The following WWOX variants were observed in gnomAD, a reference collection of about 807,000 sequenced individuals.
WWOX encodes the protein WW domain containing oxidoreductase.
Under a neutral mutation model 46.2 loss-of-function variants are expected in WWOX, and 69 were observed. The ratio of observed to expected loss-of-function variants is 1.49; its 90% confidence interval spans 1.23 to 1.82. WWOX has a LOEUF of 1.82. WWOX is among the 40% of genes most tolerant of loss of function. The pLI, the probability that WWOX is intolerant of heterozygous loss-of-function variation, is 0.00. For missense variants in WWOX, 919 were observed against 542.6 expected (o/e 1.69, Z -6.89); for synonymous variants, 359 against 202.6 (o/e 1.77, Z -6.56).
chr16:78,352,215 T>A (rs927469713), intron 5 of WWOX, among the ~76,000 whole-genome samples: 3 of 152,256 alleles, frequency 2.0e-5, no homozygotes, highest in Non-Finnish European at 4.4e-5. Flanking sequence ...GGATGTGCAA[T>A]GTGAAATCTC....
intron 8 of WWOX, among the ~76,000 whole-genome samples, chr16:78,914,157 A>G (rs370480448): frequency 1.6e-4 from 25 of 152,098 alleles, no homozygotes; most frequent in African/African-American, 5.3e-4. Context: ...ACTACTCACA[A>G]TTTCTCTATC....
At chr16:79,011,669 A>G (rs577411998) in intron 8 of WWOX, among the ~76,000 whole-genome samples, 3 of 150,718 alleles carry the variant, frequency 2.0e-5, no homozygotes, top group East Asian at 2.0e-4. Context: ...TTTTTTTTGC[A>G]TTTTTTAGAG....
At chr16:78,853,141 G>T (rs962296227) in intron 8 of WWOX, among the ~76,000 whole-genome samples, 1 of 152,162 alleles carries the variant, frequency 6.6e-6, no homozygotes, top group Admixed American at 6.6e-5. Context: ...TGTACTATAC[G>T]TTATAACAAT....
intron 8 of WWOX, among the ~76,000 whole-genome samples, chr16:78,478,591 G>C (rs1206415545): frequency 6.6e-6 from 1 of 152,124 alleles, no homozygotes; most frequent in African/African-American, 2.4e-5. Context: ...CCCACCCCAA[G>C]GAAAGCCTTC....
intron 8 of WWOX, among the ~76,000 whole-genome samples, chr16:79,050,708 G>A (rs980548355): frequency 3.9e-5 from 6 of 152,138 alleles, no homozygotes; most frequent in African/African-American, 1.4e-4. Context: ...TCAATCTGGC[G>A]AAATGAATGG....
chr16:78,565,117 G>A (rs1223082296), intron 8 of WWOX, among the ~76,000 whole-genome samples: 3 of 152,232 alleles, frequency 2.0e-5, no homozygotes, highest in African/African-American at 7.2e-5. Flanking sequence ...CATCAGAGCA[G>A]CATAGCAGAG....
chr16:78,768,764 C>T (rs1216472186), intron 8 of WWOX, among the ~76,000 whole-genome samples: 4 of 152,086 alleles, frequency 2.6e-5, no homozygotes, highest in African/African-American at 7.3e-5. Flanking sequence ...GCTCATTTCA[C>T]AGCTTGCTGG....
intron 8 of WWOX, among the ~76,000 whole-genome samples, chr16:79,097,348 CTTT>C (rs545489914): frequency 5.1e-5 from 7 of 136,844 alleles, no homozygotes; most frequent in South Asian, 2.4e-4. Context: ...GGCTCCAAAA[CTTT>C]TTTTTTTTTT....
At chr16:78,343,121 C>T (rs1307203280) in intron 5 of WWOX, among the ~76,000 whole-genome samples, 1 of 120,402 alleles carries the variant, frequency 8.3e-6, no homozygotes, top group African/African-American at 2.8e-5. Flanking sequence ...ACATAAGCCT[C>T]ATGAGACAAC....
intron 8 of WWOX, among the ~76,000 whole-genome samples, chr16:78,717,125 C>G (rs978028567): frequency 2.0e-5 from 3 of 152,166 alleles, no homozygotes; most frequent in African/African-American, 7.2e-5. Flanking sequence ...TGTAAGCTCC[C>G]TGAGAACAGA....
intron 5 of WWOX, among the ~76,000 whole-genome samples, chr16:78,314,534 T>G (rs1019369746): frequency 1.3e-5 from 2 of 149,670 alleles, no homozygotes; most frequent in African/African-American, 4.9e-5. Flanking sequence ...GGGTTTTTTT[T>G]TTTTTTTGAG....
chr16:78,957,146 G>A (rs11150119), intron 8 of WWOX, among the ~76,000 whole-genome samples: 82,139 of 151,978 alleles, frequency 0.54, 22,779 homozygotes, highest in East Asian at 0.87. Flanking sequence ...AACACCATGA[G>A]TGTTGCAATC....
intron 8 of WWOX, among the ~76,000 whole-genome samples, chr16:78,652,137 C>T (rs937512493): frequency 6.6e-6 from 1 of 151,628 alleles, no homozygotes. Context: ...TGGGGCTGGG[C>T]GTGGTGGCTC....
chr16:78,485,951 G>C (rs189467455), intron 8 of WWOX, among the ~76,000 whole-genome samples: 1 of 152,186 alleles, frequency 6.6e-6, no homozygotes, highest in Admixed American at 6.5e-5. Flanking sequence ...AATTATTATT[G>C]TACAGATTTA....
At chr16:78,645,469 T>G (rs1474620885) in intron 8 of WWOX, among the ~76,000 whole-genome samples, 1 of 152,172 alleles carries the variant, frequency 6.6e-6, no homozygotes, top group African/African-American at 2.4e-5. Context: ...GGAAGGAAAT[T>G]TATTTGTCTC....
intron 8 of WWOX, among the ~76,000 whole-genome samples, chr16:79,006,250 C>A (rs1359101048): frequency 6.6e-6 from 1 of 152,078 alleles, no homozygotes; most frequent in Admixed American, 6.6e-5. Context: ...ATGAGTTGCA[C>A]AAAGAGGAGA....
intron 8 of WWOX, among the ~76,000 whole-genome samples, chr16:78,908,541 GA>G (rs111272074): frequency 3.4e-4 from 49 of 146,070 alleles, no homozygotes; most frequent in African/African-American, 1.2e-3. Context: ...CTCTGTCTCG[GA>G]AAAAAAAAAA....
chr16:78,758,109 A>T (rs2049701275), intron 8 of WWOX, among the ~76,000 whole-genome samples: 1 of 152,210 alleles, frequency 6.6e-6, no homozygotes, highest in Non-Finnish European at 1.5e-5. Flanking sequence ...ATTTTTCTTT[A>T]AATCAATTCA....
At chr16:79,040,638 G>C (rs1397830488) in intron 8 of WWOX, among the ~76,000 whole-genome samples, 1 of 152,066 alleles carries the variant, frequency 6.6e-6, no homozygotes, top group African/African-American at 2.4e-5. Context: ...CTGTAAAACA[G>C]ATCAGTTTTG....
Sources: allele counts gnomAD v4.1 joint callset (sites outside exome capture counted in the v4.1 genomes callset), GRCh38; gene constraint gnomAD v4.1.1; transcripts MANE v1.5; gene names NCBI Gene and HGNC (gene_info 2026-07-23, HGNC 2026-07-21).